NEBL: variants seen among roughly 807,000 people sequenced by gnomAD.
NEBL encodes LIM and SH3 protein 2.
Under a neutral mutation model 140.2 loss-of-function variants are expected in NEBL, and 122 were observed. The observed-to-expected ratio is 0.87, with a 90% CI of 0.75 to 1.01. The LOEUF is 1.01. Ranked by LOEUF, NEBL falls within the 50% of genes least tolerant of loss-of-function variation. The probability of loss-of-function intolerance (pLI) is 0.00; values close to 1 mark genes in which losing one functional copy is unlikely to be tolerated. For synonymous variants in NEBL, 436 were observed against 398.9 expected (o/e 1.09, Z -1.11); for missense variants, 1,365 against 1,231.3 (o/e 1.11, Z -1.62).
At chr10:21,193,924 A>G (rs759536139) in intron 3 of NEBL, among the ~76,000 whole-genome samples, 1 of 152,172 alleles carries the variant, frequency 6.6e-6, no homozygotes, top group Non-Finnish European at 1.5e-5. Flanking sequence ...CTATCATGAT[A>G]TTTCTCCCAT....
At chr10:20,962,161 T>C (rs771947387) in intron 3 of NEBL, among the ~76,000 whole-genome samples, 1 of 152,204 alleles carries the variant, frequency 6.6e-6, no homozygotes, top group Non-Finnish European at 1.5e-5. Flanking sequence ...TTAATACCAT[T>C]ACTACTGTGA....
chr10:20,956,037 C>T (rs963079696), intron 4 of NEBL, among the ~76,000 whole-genome samples: 3 of 152,012 alleles, frequency 2.0e-5, no homozygotes, highest in African/African-American at 7.2e-5. Flanking sequence ...AATTACTGGT[C>T]TGGGATGTAT....
At chr10:20,901,490 A>G (rs778596121), upstream of NEBL, among the ~76,000 whole-genome samples, 1 of 152,100 alleles carries the variant, frequency 6.6e-6, no homozygotes, top group Admixed American at 6.5e-5. Context: ...ATGATAGAAC[A>G]TGTACTTTTC....
At chr10:20,790,910 T>C (rs1416561944) in intron 26 of NEBL, among the ~76,000 whole-genome samples, 1 of 152,222 alleles carries the variant, frequency 6.6e-6, no homozygotes, top group African/African-American at 2.4e-5. Context: ...GTCAGGTTCA[T>C]TTGGCAACAA....
chr10:21,125,437 G>A (rs769591111), intron 2 of NEBL, among the ~76,000 whole-genome samples: 13 of 152,274 alleles, frequency 8.5e-5, no homozygotes, highest in African/African-American at 1.2e-4. Context: ...GGGAAGTTGC[G>A]GAGGGGACTA....
intron 4 of NEBL, among the ~76,000 whole-genome samples, chr10:20,944,673 C>T (rs1156260993): frequency 6.6e-6 from 1 of 152,192 alleles, no homozygotes; most frequent in Non-Finnish European, 1.5e-5. Context: ...ACAGTTGGAG[C>T]GTGAGCACAC....
At chr10:21,098,912 A>G (rs1361234031) in intron 2 of NEBL, among the ~76,000 whole-genome samples, 9 of 152,132 alleles carry the variant, frequency 5.9e-5, no homozygotes, top group African/African-American at 2.2e-4. Context: ...GGAACCAGAA[A>G]CATCACTTGA....
At chr10:21,174,560 C>T (rs886398072), upstream of NEBL, 5 of 150,686 alleles carry the variant, frequency 3.3e-5, no homozygotes, top group Admixed American at 3.3e-4. Context: ...AGGGTGCGCC[C>T]TCCCTCCTCC....
chr10:20,899,669 C>A, upstream of NEBL: 1 of 311,496 alleles, frequency 3.2e-6, no homozygotes, highest in Non-Finnish European at 6.2e-6. Context: ...CAAAGCCATT[C>A]AATGAAGCAC....
At chr10:20,826,196 C>G (rs962353485) in intron 18 of NEBL, among the ~76,000 whole-genome samples, 2 of 152,094 alleles carry the variant, frequency 1.3e-5, no homozygotes, top group Non-Finnish European at 2.9e-5. Context: ...AAATCTAACC[C>G]TAGGTTTCAT....
At position 21,128,470 on chromosome 10, in the gene NEBL, A is replaced by T. The variant is rs149915861; in HGVS notation, c.164+43913T>A. ...ACATGTGATATGGAAGGAATGACAC[A>T]CTGAGCCACATAACCTTGATTACTG... On this transcript the variant is annotated intron_variant, in intron 2 of 6. Transcript: ENST00000417816. Among the ~76,000 whole-genome samples the T allele has an allele frequency of 4.1e-3, 623 of 152,302 alleles. 5 individuals carry two copies. The highest frequency in any genetic ancestry group is 0.01 in the East Asian group (52 of 5,188).
At chr10:20,830,912 TAAAAAAAAAAAA>T (rs371760760) in intron 16 of NEBL, among the ~76,000 whole-genome samples, 4 of 92,368 alleles carry the variant, frequency 4.3e-5, no homozygotes, top group Non-Finnish European at 6.2e-5. Context: ...CTCTAAAATT[TAAAAAAAAAAAA>T]AAAAAAAAAA....
intron 1 of NEBL, among the ~76,000 whole-genome samples, chr10:21,282,225 C>T (rs898538577): frequency 7.9e-5 from 12 of 152,146 alleles, no homozygotes; most frequent in Non-Finnish European, 1.6e-4. Context: ...TCTGCCCAGC[C>T]GGTGACTGCT....
chr10:21,139,913 G>GT (rs1839538604), intron 2 of NEBL, among the ~76,000 whole-genome samples: 1 of 151,540 alleles, frequency 6.6e-6, no homozygotes, highest in Non-Finnish European at 1.5e-5. Flanking sequence ...CACTTTGGGA[G>GT]GCTGAGGCAG....
chr10:21,193,331 T>C (rs1467538673), intron 3 of NEBL, among the ~76,000 whole-genome samples: 1 of 152,114 alleles, frequency 6.6e-6, no homozygotes, highest in Non-Finnish European at 1.5e-5. Flanking sequence ...TATTGGTGGC[T>C]GCAAAGAAAT....
chr10:21,159,216 T>A (rs567547952), intron 2 of NEBL, among the ~76,000 whole-genome samples: 6 of 152,302 alleles, frequency 3.9e-5, no homozygotes, highest in African/African-American at 1.4e-4. Flanking sequence ...TTGAGCCACC[T>A]TTTTTTCTTA....
At chr10:21,129,225 T>A (rs1838983449) in intron 2 of NEBL, among the ~76,000 whole-genome samples, 1 of 152,116 alleles carries the variant, frequency 6.6e-6, no homozygotes, top group African/African-American at 2.4e-5. Flanking sequence ...AAGTACATTT[T>A]TTTAAAAGGC....
chr10:21,277,486 AGGCATAAGCCACTGTGCCT>A (rs752919997), intron 1 of NEBL, among the ~76,000 whole-genome samples: 36 of 152,304 alleles, frequency 2.4e-4, no homozygotes, highest in Admixed American at 1.2e-3. Flanking sequence ...CTGGGATTAC[AGGCATAAGCCACTGTGCCT>A]GGCCCAAAAC....
At chr10:21,256,340 T>C (rs1432063139) in intron 1 of NEBL, among the ~76,000 whole-genome samples, 2 of 152,090 alleles carry the variant, frequency 1.3e-5, no homozygotes, top group African/African-American at 4.8e-5. Flanking sequence ...AATGCTGAGA[T>C]TACAGGCGTG....
Sources: gnomAD v4.1 joint callset for allele counts (sites outside exome capture counted in the v4.1 genomes callset) on GRCh38, gnomAD v4.1.1 for gene constraint, MANE v1.5 for transcripts, NCBI Gene and HGNC (gene_info 2026-07-23, HGNC 2026-07-21) for gene names.